The following PALS1 variants were observed in gnomAD, a reference collection of about 807,000 sequenced individuals.
PALS1 encodes protein associated with LIN7 1, MAGUK p55 family member, also known as protein PALS1.
A neutral mutation model predicts 78.9 loss-of-function variants in PALS1; 31 were observed. The ratio of observed to expected loss-of-function variants is 0.39; its 90% CI spans 0.30 to 0.53. The LOEUF is 0.53. Among genes scored for constraint, PALS1 ranks in the 20% least tolerant of loss-of-function variants. The probability of loss-of-function intolerance (pLI) is 0.67; values close to 1 mark genes in which losing one functional copy is unlikely to be tolerated. For missense variants in PALS1, 704 were observed against 826.5 expected (o/e 0.85, Z 1.82); for synonymous variants, 276 against 270.9 (o/e 1.02, Z -0.18).
chr14:67,274,730 G>T (rs529671211), intron 2 of PALS1, among the ~76,000 whole-genome samples: 1 of 151,794 alleles, frequency 6.6e-6, no homozygotes, highest in African/African-American at 2.4e-5. Context: ...CCATTTTCAC[G>T]ATATTGATTC....
intron 1 of PALS1, among the ~76,000 whole-genome samples, chr14:67,263,241 G>A: frequency 6.6e-6 from 1 of 152,140 alleles, no homozygotes; most frequent in Non-Finnish European, 1.5e-5. Context: ...TTGTCTAATT[G>A]AAAAGAATCA....
intron 13 of PALS1, among the ~76,000 whole-genome samples, chr14:67,323,435 C>T (rs1365772870): frequency 1.3e-5 from 2 of 151,396 alleles, no homozygotes; most frequent in Admixed American, 6.6e-5. Flanking sequence ...GACAACAAAG[C>T]GAGATCCTGT....
chr14:67,255,716 T>C (rs576428244), intron 1 of PALS1, among the ~76,000 whole-genome samples: 2 of 152,344 alleles, frequency 1.3e-5, no homozygotes, highest in Non-Finnish European at 2.9e-5. Flanking sequence ...AGTCTCGCTC[T>C]GTTGCCCAGG....
chr14:67,268,480 C>A lies in PALS1; in HGVS notation c.-236-1221C>A, dbSNP rs544387942. ...AATGGCTACTCCATAGGCAGAACACCGACATGTTACTTCTTGATTATATTC... is the reference window on the plus strand; with the variant it reads ...AATGGCTACTCCATAGGCAGAACACAGACATGTTACTTCTTGATTATATTC... On this transcript the variant is annotated intron_variant, in intron 1 of 14. Transcript: ENST00000261681. Among the ~76,000 whole-genome samples, 10 of 152,146 alleles carry A rather than the reference C, an allele frequency of 6.6e-5. No homozygotes were observed. The South Asian group carries it at 1.9e-3, about 28-fold the overall frequency.
chr14:67,315,157 T>C (rs150477114), intron 9 of PALS1, among the ~76,000 whole-genome samples: 1 of 152,072 alleles, frequency 6.6e-6, no homozygotes, highest in African/African-American at 2.4e-5. Context: ...CTATAGTTCA[T>C]ACTACAAAAA....
intron 3 of PALS1, among the ~76,000 whole-genome samples, chr14:67,283,103 C>G (rs1366627226): frequency 6.6e-6 from 1 of 152,094 alleles, no homozygotes; most frequent in African/African-American, 2.4e-5. Context: ...AATAAAAAGA[C>G]TCCTGGAATT....
At chr14:67,276,719 G>A (rs182742534) in intron 2 of PALS1, among the ~76,000 whole-genome samples, 88 of 152,272 alleles carry the variant, frequency 5.8e-4, no homozygotes, top group African/African-American at 2.1e-3. Context: ...GAAATTTAAA[G>A]CAGATTACTA....
chr14:67,322,956 A>G (rs1028291452), intron 13 of PALS1, among the ~76,000 whole-genome samples: 1 of 152,192 alleles, frequency 6.6e-6, no homozygotes, highest in Non-Finnish European at 1.5e-5. Context: ...ATTGTCTTGC[A>G]CATGTGAAGT....
intron 4 of PALS1, among the ~76,000 whole-genome samples, chr14:67,297,658 A>T (rs1424036933): frequency 6.6e-6 from 1 of 152,166 alleles, no homozygotes; most frequent in Non-Finnish European, 1.5e-5. Flanking sequence ...TTTGAATAGC[A>T]GTTGTACATG....
chr14:67,306,045 C>G (rs1193253267), intron 8 of PALS1, among the ~76,000 whole-genome samples: 1 of 152,234 alleles, frequency 6.6e-6, no homozygotes. Flanking sequence ...TCTGGGCTCA[C>G]TGCAACCTCC....
At chr14:67,274,266 T>C (rs1486195427) in intron 2 of PALS1, among the ~76,000 whole-genome samples, 1 of 152,264 alleles carries the variant, frequency 6.6e-6, no homozygotes, top group African/African-American at 2.4e-5. Flanking sequence ...GTCTAACATT[T>C]AAGTCTTTAA....
At chr14:67,303,023 T>C (rs1424655315) in intron 7 of PALS1, among the ~76,000 whole-genome samples, 1 of 152,250 alleles carries the variant, frequency 6.6e-6, no homozygotes, top group Non-Finnish European at 1.5e-5. Flanking sequence ...TAGCTGCATA[T>C]AGCTATTTCT....
chr14:67,244,668 C>A (rs2083960387), intron 1 of PALS1, among the ~76,000 whole-genome samples: 1 of 152,038 alleles, frequency 6.6e-6, no homozygotes, highest in Admixed American at 6.5e-5. Flanking sequence ...TAAATCTTTG[C>A]AAATAGGTTT....
At chr14:67,282,235 A>G (rs1016021637) in intron 3 of PALS1, among the ~76,000 whole-genome samples, 6 of 152,104 alleles carry the variant, frequency 3.9e-5, no homozygotes, top group Non-Finnish European at 5.9e-5. Flanking sequence ...CTAACACATC[A>G]AACTGTAAGA....
chr14:67,315,111 A>G (rs781328620), intron 9 of PALS1, among the ~76,000 whole-genome samples: 4 of 151,816 alleles, frequency 2.6e-5, no homozygotes, highest in Non-Finnish European at 5.9e-5. Flanking sequence ...AATCATTTCC[A>G]TCTCTCATTA....
At chr14:67,242,206 C>A (rs1286203147) in intron 1 of PALS1, among the ~76,000 whole-genome samples, 1 of 152,186 alleles carries the variant, frequency 6.6e-6, no homozygotes, top group Admixed American at 6.5e-5. Flanking sequence ...AACTCACCTT[C>A]TGTTGATTGA....
chr14:67,250,201 T>A (rs2084046325), intron 1 of PALS1, among the ~76,000 whole-genome samples: 1 of 152,146 alleles, frequency 6.6e-6, no homozygotes, highest in African/African-American at 2.4e-5. Flanking sequence ...CACTCTTCCT[T>A]CCTCCAGGAA....
chr14:67,325,140 T>C (rs562156971), intron 14 of PALS1, among the ~76,000 whole-genome samples: 2 of 152,016 alleles, frequency 1.3e-5, no homozygotes, highest in Admixed American at 1.3e-4. Flanking sequence ...CTCCTGACCT[T>C]GTGATCCACC....
intron 4 of PALS1, among the ~76,000 whole-genome samples, chr14:67,300,101 T>G (rs920651663): frequency 6.6e-5 from 10 of 152,194 alleles, no homozygotes; most frequent in Non-Finnish European, 1.3e-4. Flanking sequence ...TAATATTTGC[T>G]GTGCCGTCCT....
Sources: allele counts gnomAD v4.1 joint callset (sites outside exome capture counted in the v4.1 genomes callset), GRCh38; gene constraint gnomAD v4.1.1; transcripts MANE v1.5; gene names NCBI Gene and HGNC (gene_info 2026-07-23, HGNC 2026-07-21).